Variants in CAMTA1 observed in about 807,000 individuals in gnomAD.
CAMTA1 encodes the protein calmodulin binding transcription activator 1.
A neutral mutation model predicts 170.9 loss-of-function variants in CAMTA1; 27 were observed. The ratio of observed to expected loss-of-function variants is 0.16; its 90% CI spans 0.12 to 0.22. The LOEUF is 0.22. Ranked by LOEUF, CAMTA1 falls within the 10% of genes least tolerant of loss-of-function variation. The pLI, the probability that CAMTA1 is intolerant of heterozygous loss-of-function variation, is 1.00. For synonymous variants in CAMTA1, 833 were observed against 891.5 expected, an observed-to-expected ratio of 0.93 and a Z score of 1.17; for missense variants, 1,619 against 2,217.2, an observed-to-expected ratio of 0.73 and a Z score of 5.42.
intron 5 of CAMTA1, among the ~76,000 whole-genome samples, chr1:7,461,642 A>G (rs2093091416): frequency 6.6e-6 from 1 of 152,190 alleles, no homozygotes; most frequent in Non-Finnish European, 1.5e-5. Context: ...CTGGCCTCAC[A>G]TTTTCCCAGA....
intron 5 of CAMTA1, among the ~76,000 whole-genome samples, chr1:7,414,695 T>C (rs1170391479): frequency 6.6e-6 from 1 of 152,168 alleles, no homozygotes; most frequent in East Asian, 1.9e-4. Context: ...TTTGTTGATC[T>C]TTTAAAAAAA....
chr1:7,006,842 A>T lies in CAMTA1; in HGVS notation c.235-84462A>T, dbSNP rs533850917. Among the ~76,000 whole-genome samples, 5 of 152,176 alleles carry T rather than the reference A, an allele frequency of 3.3e-5. 1 individual carries two copies. Among genetic ancestry groups the T allele is most frequent in the South Asian group, 4.1e-4 (2 of 4,820 alleles). ...CTATGATTTCCCCCTTAACCTCTTC[A>T]TGACATCAACCAGTGGAGACCTTGT... On this transcript the variant is annotated intron_variant, in intron 3 of 22. Transcript: ENST00000303635.
At chr1:7,611,853 CT>C (rs2095526041) in intron 6 of CAMTA1, among the ~76,000 whole-genome samples, 2 of 152,338 alleles carry the variant, frequency 1.3e-5, no homozygotes, top group Admixed American at 1.3e-4. Context: ...CTGTCTTGAC[CT>C]GAGAGGTGCT....
chr1:7,438,191 C>A (rs1039556938), intron 5 of CAMTA1, among the ~76,000 whole-genome samples: 1 of 152,082 alleles, frequency 6.6e-6, no homozygotes, highest in African/African-American at 2.4e-5. Flanking sequence ...CATAGGGCTG[C>A]CACCTCCAGG....
intron 4 of CAMTA1, among the ~76,000 whole-genome samples, chr1:7,148,324 A>C (rs145873123): frequency 0.012 from 1,805 of 151,900 alleles, 17 homozygotes; most frequent in South Asian, 0.03. Context: ...TATGCCCCCC[A>C]CACACACACC....
At chr1:7,017,381 C>G (rs1035462311) in intron 3 of CAMTA1, among the ~76,000 whole-genome samples, 2 of 152,224 alleles carry the variant, frequency 1.3e-5, no homozygotes, top group South Asian at 2.1e-4. Context: ...ATTTTGTGAA[C>G]TCACATACTC....
intron 3 of CAMTA1, among the ~76,000 whole-genome samples, chr1:6,884,498 G>A (rs1672613870): frequency 6.6e-6 from 1 of 152,146 alleles, no homozygotes; most frequent in African/African-American, 2.4e-5. Flanking sequence ...TCTTAATCAT[G>A]TGAGCCTCTC....
At position 7,156,243 on chromosome 1, in the gene CAMTA1, C is replaced by T. The variant is rs140425778; in HGVS notation, c.302+64872C>T. On this transcript the variant is annotated intron_variant, in intron 4 of 22. Coordinates refer to ENST00000303635, the MANE Select transcript of CAMTA1 (RefSeq NM_015215.4). Reference sequence around the variant, plus strand: ...GAGCTGAGATCGCCCCACTGCACTGCAGCCTGGGCAACAAGAATGAAAACT... The same window carrying T: ...GAGCTGAGATCGCCCCACTGCACTGTAGCCTGGGCAACAAGAATGAAAACT... 1.2e-3 allele frequency among the ~76,000 whole-genome samples: 174 copies of T among 145,090 alleles called. No individual in the cohort carries two copies. In the East Asian group the frequency reaches 0.019, roughly 16 times the overall value.
intron 3 of CAMTA1, among the ~76,000 whole-genome samples, chr1:6,969,041 G>A (rs1692070153): frequency 6.6e-6 from 1 of 152,198 alleles, no homozygotes; most frequent in African/African-American, 2.4e-5. Context: ...AGAGGGGCCA[G>A]TCTTGCCTTA....
At chr1:7,355,252 T>C (rs1423746390) in intron 5 of CAMTA1, among the ~76,000 whole-genome samples, 1 of 146,950 alleles carries the variant, frequency 6.8e-6, no homozygotes, top group Non-Finnish European at 1.5e-5. Context: ...GGCATTGTGG[T>C]GTGCACCTGT....
At chr1:7,662,607 A>G (rs1051708868) in intron 8 of CAMTA1, among the ~76,000 whole-genome samples, 11 of 152,146 alleles carry the variant, frequency 7.2e-5, no homozygotes, top group Non-Finnish European at 1.6e-4. Context: ...GGGCTGGAGG[A>G]GCTGCCAGGG....
chr1:7,418,218 T>C (rs533610815), intron 5 of CAMTA1, among the ~76,000 whole-genome samples: 1 of 152,308 alleles, frequency 6.6e-6, no homozygotes, highest in African/African-American at 2.4e-5. Context: ...GTTGTTGAGA[T>C]GGAGTCTTAC....
intron 4 of CAMTA1, among the ~76,000 whole-genome samples, chr1:7,222,889 C>T (rs1425658795): frequency 6.6e-6 from 1 of 152,238 alleles, no homozygotes; most frequent in Admixed American, 6.5e-5. Flanking sequence ...GGTATATCTG[C>T]CTCAGGTGCA....
At chr1:7,449,822 C>T (rs1001913836) in intron 5 of CAMTA1, among the ~76,000 whole-genome samples, 3 of 151,100 alleles carry the variant, frequency 2.0e-5, no homozygotes, top group South Asian at 2.1e-4. Context: ...AGTACTGGGG[C>T]CCAGTACTCA....
chr1:7,023,595 A>ATTGAATAGGAG (rs1183350173), intron 3 of CAMTA1, among the ~76,000 whole-genome samples: 1 of 152,244 alleles, frequency 6.6e-6, no homozygotes, highest in Non-Finnish European at 1.5e-5. Flanking sequence ...AATGGGATGA[A>ATTGAATAGGAG]ACAAGTGGTT....
At chr1:7,343,668 A>G (rs1424480702) in intron 5 of CAMTA1, among the ~76,000 whole-genome samples, 1 of 152,114 alleles carries the variant, frequency 6.6e-6, no homozygotes, top group African/African-American at 2.4e-5. Context: ...AAAGGTCATC[A>G]CAACCCTGAA....
At position 7,663,836 on chromosome 1, in the gene CAMTA1, G is replaced by T. The variant is rs372376191; in HGVS notation, c.1289G>T (p.Gly430Val). 10 of 1,613,942 alleles carry T rather than the reference G, an allele frequency of 6.2e-6. No homozygotes were observed. Among genetic ancestry groups the T allele is most frequent in the African/African-American group, 1.3e-5 (1 of 74,918 alleles). Residue 430 changes from glycine to valine, a missense_variant, in exon 9 of 23, where the codon GGC becomes GTC. Around this residue, in one of 8 missense-constraint regions of CAMTA1, gnomAD observed 731 missense variants for 907.6 expected, o/e 0.81. Transcript: ENST00000303635. ...CTCCTCTCACCTGACGCCTCTCAGGGCCTCGTCCTGGCCGTGAGCTCTGAT... is the reference window on the plus strand; with the variant it reads ...CTCCTCTCACCTGACGCCTCTCAGGTCCTCGTCCTGGCCGTGAGCTCTGAT... ...HHLLSPDASQ[G>V]LVLAVSSDGH...
At chr1:7,336,271 G>A (rs1007421035) in intron 5 of CAMTA1, among the ~76,000 whole-genome samples, 3 of 152,218 alleles carry the variant, frequency 2.0e-5, no homozygotes, top group African/African-American at 2.4e-5. Flanking sequence ...TGGAGAGCAC[G>A]TGTGTTCATC....
chr1:7,094,902 A>G (rs996862730), intron 4 of CAMTA1, among the ~76,000 whole-genome samples: 1 of 152,006 alleles, frequency 6.6e-6, no homozygotes, highest in Non-Finnish European at 1.5e-5. Context: ...AGGGAACTTC[A>G]TGCTCCCCAC....
Sources: allele counts gnomAD v4.1 joint callset (sites outside exome capture counted in the v4.1 genomes callset), GRCh38; gene constraint gnomAD v4.1.1; regional missense constraint gnomAD v4.1.1; transcripts MANE v1.5; gene names NCBI Gene and HGNC (gene_info 2026-07-23, HGNC 2026-07-21).